Variants in OXCT1 observed in about 807,000 individuals in gnomAD.
OXCT1 encodes 3-oxoacid CoA-transferase 1.
In OXCT1, 27 loss-of-function variants were observed where a neutral mutation model predicts 69.6. The ratio of observed to expected loss-of-function variants is 0.39; its 90% CI spans 0.29 to 0.54. The LOEUF (loss-of-function observed/expected upper bound fraction) is 0.54, where lower values mean the gene tolerates loss of function less well. Ranked by LOEUF, OXCT1 falls within the 20% of genes least tolerant of loss-of-function variation. OXCT1 has a pLI of 0.72. For missense variants in OXCT1, 437 were observed against 650.2 expected, an observed-to-expected ratio of 0.67 and a Z score of 3.57; for synonymous variants, 202 against 217.8, an observed-to-expected ratio of 0.93 and a Z score of 0.64.
intron 7 of OXCT1, among the ~76,000 whole-genome samples, chr5:41,826,833 C>T (rs527608141): frequency 2.3e-4 from 35 of 152,230 alleles, no homozygotes; most frequent in Non-Finnish European, 3.5e-4. Context: ...CATTTGAATG[C>T]CTAAGAAGCC....
intron 16 of OXCT1, among the ~76,000 whole-genome samples, chr5:41,733,252 T>A (rs1219084259): frequency 6.6e-6 from 1 of 151,180 alleles, no homozygotes; most frequent in Non-Finnish European, 1.5e-5. Context: ...AACTTTTTTT[T>A]TTTTTTTTTT....
chr5:41,794,564 T>G, intron 12 of OXCT1, 113 bp downstream of exon 12: 2 of 933,576 alleles, frequency 2.1e-6, no homozygotes, highest in Non-Finnish European at 3.4e-6. Context: ...AAACTCCTGA[T>G]AGTTTTCTGG....
chr5:41,809,885 A>G (rs893536423), intron 7 of OXCT1, among the ~76,000 whole-genome samples: 2 of 152,062 alleles, frequency 1.3e-5, no homozygotes, highest in African/African-American at 2.4e-5. Context: ...TTGTCATCCT[A>G]ATATAAATGG....
intron 13 of OXCT1, among the ~76,000 whole-genome samples, chr5:41,765,230 A>G (rs1347168937): frequency 6.6e-6 from 1 of 152,140 alleles, no homozygotes; most frequent in Admixed American, 6.6e-5. Context: ...CATGTGCCTG[A>G]GTTCCAGACA....
intron 7 of OXCT1, among the ~76,000 whole-genome samples, chr5:41,826,239 A>G (rs1033000995): frequency 1.3e-5 from 2 of 152,232 alleles, no homozygotes; most frequent in Non-Finnish European, 2.9e-5. Flanking sequence ...TTTTAAAACA[A>G]AATTTAGTTT....
At chr5:41,788,199 T>C (rs763930014) in intron 13 of OXCT1, among the ~76,000 whole-genome samples, 7 of 152,102 alleles carry the variant, frequency 4.6e-5, no homozygotes, top group Non-Finnish European at 1.0e-4. Context: ...AGATTGTGAT[T>C]AAAATATGTA....
chr5:41,745,645 A>G (rs1328809566), intron 15 of OXCT1, among the ~76,000 whole-genome samples: 2 of 152,194 alleles, frequency 1.3e-5, no homozygotes, highest in African/African-American at 4.8e-5. Flanking sequence ...AAATTGATAG[A>G]CCGCTAGCAA....
At position 41,846,977 on chromosome 5, in the gene OXCT1, G is replaced by A. The variant is rs149274098; in HGVS notation, c.564+3053C>T. Among the ~76,000 whole-genome samples the A allele has an allele frequency of 9.3e-3, 1,420 of 152,036 alleles. 20 individuals carry two copies. The highest frequency in any genetic ancestry group is 0.032 in the African/African-American group (1,344 of 41,452). ...CCTTCGCCCACTTTTTGATGGGGTT[G>A]TTTTTTTCTTGTAAATTTGTTTTTG... is the stretch of plus-strand genomic sequence containing the variant. On this transcript the variant is annotated intron_variant, in intron 5 of 16. Coordinates refer to ENST00000196371, the MANE Select transcript of OXCT1 (RefSeq NM_000436.4).
intron 1 of OXCT1, among the ~76,000 whole-genome samples, chr5:41,866,022 A>ACCCCCC (rs61504704): frequency 8.6e-6 from 1 of 116,288 alleles, no homozygotes; most frequent in Admixed American, 9.2e-5. Context: ...TGTACAGTAG[A>ACCCCCC]CCCCCCCCCC....
chr5:41,839,828 T>C (rs1407132096), intron 7 of OXCT1, among the ~76,000 whole-genome samples: 13 of 152,190 alleles, frequency 8.5e-5, no homozygotes, highest in Admixed American at 8.5e-4. Flanking sequence ...AAGTTGATCC[T>C]CAAAGCCTCA....
chr5:41,829,945 T>C (rs1269324612), intron 7 of OXCT1, among the ~76,000 whole-genome samples: 2 of 152,200 alleles, frequency 1.3e-5, no homozygotes, highest in Non-Finnish European at 2.9e-5. Context: ...CTTTAAATAC[T>C]TCAATACTCT....
chr5:41,770,443 T>C (rs1257621230), intron 13 of OXCT1, among the ~76,000 whole-genome samples: 1 of 152,182 alleles, frequency 6.6e-6, no homozygotes, highest in East Asian at 1.9e-4. Flanking sequence ...ATTTAATACA[T>C]ATCTGAACTA....
chr5:41,745,315 G>A (rs541955511), intron 15 of OXCT1, among the ~76,000 whole-genome samples: 185 of 152,090 alleles, frequency 1.2e-3, no homozygotes, highest in African/African-American at 3.9e-3. Context: ...GGTACATAAC[G>A]AAATGAAGGC....
intron 13 of OXCT1, among the ~76,000 whole-genome samples, chr5:41,784,554 A>T (rs1745557610): frequency 6.6e-6 from 1 of 152,232 alleles, no homozygotes; most frequent in Non-Finnish European, 1.5e-5. Flanking sequence ...AGGCAGTTAA[A>T]TATCCCCAAA....
intron 7 of OXCT1, among the ~76,000 whole-genome samples, chr5:41,810,542 T>C (rs1746923861): frequency 6.6e-6 from 1 of 152,056 alleles, no homozygotes; most frequent in African/African-American, 2.4e-5. Context: ...GCTTCTCTAA[T>C]TGGTACTTGT....
intron 13 of OXCT1, among the ~76,000 whole-genome samples, chr5:41,792,602 C>T (rs1465192445): frequency 6.6e-6 from 1 of 152,200 alleles, no homozygotes; most frequent in Non-Finnish European, 1.5e-5. Context: ...AACTTTCTAT[C>T]TGACTCACTG....
chr5:41,746,011 A>C (rs1743467553), intron 15 of OXCT1, among the ~76,000 whole-genome samples: 1 of 152,160 alleles, frequency 6.6e-6, no homozygotes, highest in Admixed American at 6.5e-5. Context: ...AACTACTCGA[A>C]TCAATAGAAA....
In OXCT1 at chr5:41,747,882, A is replaced by G. The variant is rs115481807; in HGVS notation, c.1419+1645T>C. ...CCACACTGCTGGGCAGCTTTTCTCTATGTCCCTAGATTAGCATCTGGCGTG... is the reference window on the plus strand; with the variant it reads ...CCACACTGCTGGGCAGCTTTTCTCTGTGTCCCTAGATTAGCATCTGGCGTG... On this transcript the variant is annotated intron_variant, in intron 15 of 16. Coordinates refer to ENST00000196371, the MANE Select transcript of OXCT1 (RefSeq NM_000436.4). Among the ~76,000 whole-genome samples, 578 of 152,138 alleles carry G rather than the reference A, an allele frequency of 3.8e-3. 2 individuals are homozygous for G. The highest frequency in any genetic ancestry group is 0.013 in the African/African-American group (555 of 41,516).
intron 7 of OXCT1, among the ~76,000 whole-genome samples, chr5:41,824,442 C>T (rs929532489): frequency 2.3e-4 from 35 of 152,080 alleles, no homozygotes; most frequent in Non-Finnish European, 4.4e-5. Flanking sequence ...ATTTCACTGC[C>T]CCTATTTCCT....
Sources: allele counts gnomAD v4.1 joint callset (sites outside exome capture counted in the v4.1 genomes callset), GRCh38; gene constraint gnomAD v4.1.1; transcripts MANE v1.5; gene names NCBI Gene and HGNC (gene_info 2026-07-23, HGNC 2026-07-21).